The following OPRL1 variants were observed in gnomAD, a reference collection of about 807,000 sequenced individuals.
OPRL1 encodes opioid related nociceptin receptor 1.
OPRL1 carries 5 observed loss-of-function variants against 15.5 expected under a neutral mutation model. The observed-to-expected ratio is 0.32, with a 90% CI of 0.17 to 0.68. The LOEUF (loss-of-function observed/expected upper bound fraction) is 0.68, where lower values mean the gene tolerates loss of function less well. Ranked by LOEUF, OPRL1 falls within the 30% of genes least tolerant of loss-of-function variation. OPRL1 has a pLI of 0.72. For synonymous variants in OPRL1, 223 were observed against 230.2 expected (o/e 0.97, Z 0.28); for missense variants, 406 against 515.3 (o/e 0.79, Z 2.05).
chr20:64,097,744 G>A lies in OPRL1; in HGVS notation c.234-58G>A. 6.7e-7 allele frequency: 1 copy of A among 1,501,330 alleles called. No individual in the cohort carries two copies. The highest frequency in any genetic ancestry group is 9.2e-7 in the Non-Finnish European group (1 of 1,092,088). 93.0% of individuals were successfully genotyped at this position (1,501,330 alleles called of 1,614,324 possible). On this transcript the variant is annotated intron_variant, in intron 3 of 4. Transcript: ENST00000336866. The surrounding 1 kb of genome is among the most constrained non-coding windows in gnomAD (Gnocchi z 4.2). ...GGCCAAGAGGAGCCCCTTGCCCTTT[G>A]CTGCCTGGTCCAGCCAGCATGGCCA...
chr20:64,099,131 C>T lies in OPRL1; in HGVS notation c.*332C>T, dbSNP rs1012849500. 1.9e-5 allele frequency: 7 copies of T among 373,732 alleles called. No homozygotes were observed. Among genetic ancestry groups the T allele is most frequent in the South Asian group, 1.8e-4 (3 of 17,036 alleles). 23.2% of individuals were successfully genotyped at this position (373,732 alleles called of 1,614,324 possible). ...CCGTGACTGGAGCCCGTGCCCCTCC[C>T]TCCCCGTGCTTCATGTGACTCTTGG... is the stretch of plus-strand genomic sequence containing the variant. On this transcript the variant is annotated 3_prime_UTR_variant, in exon 5 of 5. Transcript: ENST00000336866.
At chr20:64,084,389 C>T in intron 1 of OPRL1, 1 of 1,274,436 alleles carries the variant, frequency 7.8e-7, no homozygotes, top group Non-Finnish European at 9.9e-7. Flanking sequence ...CCCAGGCGCT[C>T]TCCCTCTCCC....
intron 1 of OPRL1, chr20:64,084,177 C>G: frequency 6.9e-7 from 1 of 1,449,422 alleles, no homozygotes; most frequent in Non-Finnish European, 9.0e-7. Flanking sequence ...CCGCTTCGCT[C>G]CCGCGGGCCC....
At position 64,083,019 on chromosome 20, in the gene OPRL1, C is replaced by T. The variant is rs2059985193; in HGVS notation, c.-185+2667C>T. Among the ~76,000 whole-genome samples, 1 of 152,156 alleles carries T rather than the reference C, an allele frequency of 6.6e-6. No homozygotes were observed. The highest frequency in any genetic ancestry group is 2.4e-5 in the African/African-American group (1 of 41,418). ...TCACTTCCGCTGCCCACAGCACTGC[C>T]CTCTCCCTGGCCCCCTGGTGGGATG... On this transcript the variant is annotated intron_variant, in intron 1 of 4. Coordinates refer to ENST00000336866, the MANE Select transcript of OPRL1 (RefSeq NM_182647.4). This position sits in a 1 kb window ranked among gnomAD's most constrained non-coding sequence, Gnocchi z 4.9.
intron 3 of OPRL1, 63 bp downstream of exon 3, chr20:64,093,016 G>T: frequency 6.9e-7 from 1 of 1,446,220 alleles, no homozygotes; most frequent in Middle Eastern, 1.8e-4. Flanking sequence ...GGGAAACTGA[G>T]ACGGGGTCTG....
chr20:64,081,400 G>A (rs979609768), intron 1 of OPRL1, among the ~76,000 whole-genome samples: 5 of 152,228 alleles, frequency 3.3e-5, no homozygotes, highest in African/African-American at 7.2e-5. Context: ...GGCTGACCCC[G>A]CTGAGCCGGC....
rs1287364199 is a variant in OPRL1, at chr20:64,098,246, C to T, written c.590-30C>T. On this transcript the variant is annotated intron_variant, in intron 4 of 4. Transcript: ENST00000336866. The stretch of plus-strand genomic sequence containing the variant: ...CCACGTGCCCTCCACGTCTCCTGGG[C>T]CCACTCTGACCCCGTTTCTCTCCCT... 9 of 1,604,512 alleles carry T rather than the reference C, an allele frequency of 5.6e-6. No individual in the cohort carries two copies. In the South Asian group the frequency reaches 1.0e-4, roughly 18 times the overall value.
rs1242849261 is a variant in OPRL1, at chr20:64,097,878, C to T, written c.310C>T (p.Leu104=). 6.2e-7 allele frequency: 1 copy of T among 1,613,652 alleles called. No homozygotes were observed. Among genetic ancestry groups the T allele is most frequent in the East Asian group, 2.2e-5 (1 of 44,890 alleles). The change falls in exon 4 of 5, where the codon CTG becomes TTG. Residue 104 remains leucine, a synonymous_variant. Transcript: ENST00000336866. This position sits in a 1 kb window ranked among gnomAD's most constrained non-coding sequence, Gnocchi z 4.2. ...ALADTLVLLT[L]PFQGTDILLG... The stretch of plus-strand genomic sequence containing the variant: ...GGCCGACACTCTGGTCCTGCTGACG[C>T]TGCCCTTCCAGGGCACGGACATCCT...
In OPRL1 at chr20:64,090,170, A is replaced by C. The variant is rs533489036; in HGVS notation, c.-184-1796A>C. Among the ~76,000 whole-genome samples, 14 of 151,784 alleles carry C rather than the reference A, an allele frequency of 9.2e-5. No individual in the cohort carries two copies. Among genetic ancestry groups the C allele is most frequent in the African/African-American group, 3.4e-4 (14 of 41,326 alleles). On this transcript the variant is annotated intron_variant, in intron 1 of 4. Transcript: ENST00000336866. The surrounding 1 kb of genome is among the most constrained non-coding windows in gnomAD (Gnocchi z 4.9). ...GCCCGTGTGTTTGTGCATCCCTGTG[A>C]GTGTCTGCATTTCTGAGTGTGTACC...
At position 64,098,575 on chromosome 20, in the gene OPRL1, G is replaced by C; in HGVS notation, c.889G>C (p.Ala297Pro). The C allele has an allele frequency of 6.2e-7, 1 of 1,612,814 alleles. No homozygotes were observed. ...GLGVQPSSET[A>P]VAILRFCTAL... is the part of the protein sequence containing the mutation. ...GGGGGTTCAGCCGAGCAGCGAGACT[G>C]CCGTGGCCATTCTGCGCTTCTGCAC... The change falls in exon 5 of 5, where the codon GCC becomes CCC. Residue 297 changes from alanine to proline, a missense_variant. Transcript: ENST00000336866.
In OPRL1 at chr20:64,083,659, G is replaced by C; in HGVS notation, c.-185+3307G>C. On this transcript the variant is annotated intron_variant, in intron 1 of 4. Transcript: ENST00000336866. This position sits in a 1 kb window ranked among gnomAD's most constrained non-coding sequence, Gnocchi z 4.9. ...CAGGAACAGCTCCAGCCGGATGGCG[G>C]CGCGCGCGGACTTCTGCCGCTGGAT... The C allele has an allele frequency of 6.9e-7, 1 of 1,438,896 alleles. No homozygotes were observed. Among genetic ancestry groups the C allele is most frequent in the South Asian group, 1.4e-5 (1 of 71,158 alleles). The allele number at this position is 1,438,896 out of a possible 1,614,324, so 89.1% of individuals were successfully genotyped here.
In OPRL1 at chr20:64,097,516, C is replaced by T. The variant is rs1281430193; in HGVS notation, c.234-286C>T. 1.3e-5 allele frequency among the ~76,000 whole-genome samples: 2 copies of T among 152,188 alleles called. No individual in the cohort carries two copies. The highest frequency in any genetic ancestry group is 6.5e-5 in the Admixed American group (1 of 15,278). ...TTCTGGTAGCCTACATGCCCTGACTCCTCTAAAGTAGACCTGTGTTTAAGG... is the reference window on the plus strand; with the variant it reads ...TTCTGGTAGCCTACATGCCCTGACTTCTCTAAAGTAGACCTGTGTTTAAGG... On this transcript the variant is annotated intron_variant, in intron 3 of 4. Transcript: ENST00000336866. This position sits in a 1 kb window ranked among gnomAD's most constrained non-coding sequence, Gnocchi z 4.2.
intron 1 of OPRL1, chr20:64,084,212 G>C (rs2060014819): frequency 2.8e-6 from 4 of 1,416,510 alleles, no homozygotes; most frequent in African/African-American, 1.5e-5. Flanking sequence ...CTTCGCTGGC[G>C]GCGGCATCCT....
intron 1 of OPRL1, among the ~76,000 whole-genome samples, chr20:64,088,862 G>GAGGCCAGGATCTGTGCAGAGTGGCCAGGA (rs2060089896): frequency 5.9e-5 from 1 of 17,032 alleles, no homozygotes; most frequent in African/African-American, 2.1e-4. Context: ...GGAGGGCAGG[G>GAGGCCAGGATCTGTGCAGAGTGGCCAGGA]TCTGTGCAGA....
Position 64,098,090 on chromosome 20 carries a change from C to G in OPRL1, c.522C>G (p.Ile174Met). Residue 174 changes from isoleucine (I) to methionine (M), a missense_variant, in exon 4 of 5, where the codon ATC becomes ATG. Physicochemically the swap from Ile to Met is conservative, Grantham distance 10. Coordinates refer to ENST00000336866, the MANE Select transcript of OPRL1 (RefSeq NM_182647.4). ...SSKAQAVNVA[I>M]WALASVVGVP... ...AAGCCCAGGCTGTCAATGTGGCCATCTGGGCCCTGGCCTCTGTTGTCGGTG... is the reference window on the plus strand; with the variant it reads ...AAGCCCAGGCTGTCAATGTGGCCATGTGGGCCCTGGCCTCTGTTGTCGGTG... 1.9e-6 allele frequency: 3 copies of G among 1,613,372 alleles called. No individual in the cohort carries two copies. Among genetic ancestry groups the G allele is most frequent in the Non-Finnish European group, 2.5e-6 (3 of 1,180,022 alleles).
intron 1 of OPRL1, among the ~76,000 whole-genome samples, chr20:64,091,621 G>A (rs1053733889): frequency 2.6e-5 from 4 of 152,164 alleles, no homozygotes; most frequent in South Asian, 2.1e-4. Flanking sequence ...CAGCTGGGGG[G>A]TCCGGGCCAG....
At chr20:64,091,662 G>A (rs117204950) in intron 1 of OPRL1, among the ~76,000 whole-genome samples, 2 of 152,276 alleles carry the variant, frequency 1.3e-5, no homozygotes, top group South Asian at 2.1e-4. Flanking sequence ...CGTGTGAGTC[G>A]TGGTCCCCGT....
intron 1 of OPRL1, among the ~76,000 whole-genome samples, chr20:64,087,928 G>A (rs1453601292): frequency 1.3e-5 from 2 of 152,346 alleles, no homozygotes; most frequent in Non-Finnish European, 2.9e-5. Flanking sequence ...CTCCGTGGGA[G>A]CGTTTCTGGG....
chr20:64,099,577 C>T lies in OPRL1; in HGVS notation c.*778C>T, dbSNP rs1601661302. 1 of 152,686 alleles carries T rather than the reference C, an allele frequency of 6.5e-6. No homozygotes were observed. The highest frequency in any genetic ancestry group is 1.9e-4 in the East Asian group (1 of 5,210). 9.5% of individuals were successfully genotyped at this position (152,686 alleles called of 1,614,324 possible). On this transcript the variant is annotated 3_prime_UTR_variant, in exon 5 of 5. Coordinates refer to ENST00000336866, the MANE Select transcript of OPRL1 (RefSeq NM_182647.4). ...CCCTGACTGCAGCTTGACTCTGGGC[C>T]CAACCCCCATTTCCCTTCAGGAGAC... is the stretch of plus-strand genomic sequence containing the variant.
Sources: allele counts gnomAD v4.1 joint callset (sites outside exome capture counted in the v4.1 genomes callset), GRCh38; gene constraint gnomAD v4.1.1; non-coding constraint Gnocchi (gnomAD v3.1); transcripts MANE v1.5; gene names NCBI Gene and HGNC (gene_info 2026-07-23, HGNC 2026-07-21).